The following FAT2 variants were observed in gnomAD, a reference collection of about 807,000 sequenced individuals.
The protein encoded by FAT2 is protocadherin Fat 2.
A neutral mutation model predicts 295.3 loss-of-function variants in FAT2; 150 were observed. That is an observed-to-expected ratio of 0.51 (90% CI 0.44 to 0.58). FAT2 has a LOEUF of 0.58. Ranked by LOEUF, FAT2 falls within the 20% of genes least tolerant of loss-of-function variation. The pLI is 0.00. For missense variants in FAT2, 4,868 were observed against 5,442.7 expected, an observed-to-expected ratio of 0.89 and a Z score of 3.32; for synonymous variants, 2,026 against 2,150.3, an observed-to-expected ratio of 0.94 and a Z score of 1.60.
intron 13 of FAT2, among the ~76,000 whole-genome samples, chr5:151,533,990 C>G (rs1366196326): frequency 6.6e-6 from 1 of 152,098 alleles, no homozygotes; most frequent in Non-Finnish European, 1.5e-5. Flanking sequence ...CTTCACTCTT[C>G]AGAAAATTGA....
intron 1 of FAT2, among the ~76,000 whole-genome samples, chr5:151,580,014 T>G (rs923523381): frequency 6.6e-6 from 1 of 152,216 alleles, no homozygotes; most frequent in African/African-American, 2.4e-5. Flanking sequence ...GGGCACAGTT[T>G]GAAGACTACT....
chr5:151,512,069 C>T lies in FAT2; in HGVS notation c.11905+96G>A, dbSNP rs1761364797. The T allele has an allele frequency of 8.4e-7, 1 of 1,191,588 alleles. No individual in the cohort carries two copies. Among genetic ancestry groups the T allele is most frequent in the Non-Finnish European group, 1.2e-6 (1 of 850,854 alleles). The allele number at this position is 1,191,588 out of a possible 1,614,324, so 73.8% of individuals were successfully genotyped here. A position where few individuals can be genotyped will look rare whatever the true frequency, so the allele number is the denominator to read the frequency against. ...TAGGGGAAGAGAGAGAAATTTGGAA[C>T]CAGGAGGCTCTGAGATCTCCACCCT... On this transcript the variant is annotated intron_variant, in intron 21 of 23. Coordinates refer to ENST00000261800, the MANE Select transcript of FAT2 (RefSeq NM_001447.3). The surrounding 1 kb of genome is among the most constrained non-coding windows in gnomAD (Gnocchi z 4.1).
chr5:151,550,693 C>G lies in FAT2; in HGVS notation c.4475G>C (p.Gly1492Ala). ...IYTIHGSQDP[G>A]SASLFQLDPS... ...GTCCAGCTGGAAGAGGCTGGCACTT[C>G]CTGGGTCTTGGCTGCCATGTATGGT... The change falls in exon 8 of 24, where the codon GGA becomes GCA. Residue 1492 changes from glycine (G) to alanine (A), a missense_variant. Transcript: ENST00000261800. 2 of 1,614,184 alleles carry G rather than the reference C, an allele frequency of 1.2e-6. No individual in the cohort carries two copies. Among genetic ancestry groups the G allele is most frequent in the Non-Finnish European group, 1.7e-6 (2 of 1,180,042 alleles).
Position 151,512,405 on chromosome 5 carries a change from T to C in FAT2, c.11665A>G (p.Arg3889Gly). Reference protein sequence around the residue: ...PENCRGLRPERHLLLGGLILL... With the variant: ...PENCRGLRPEGHLLLGGLILL... ...ATGAGGCCGCCCAGCAAGAGGTGCC[T>C]TTCGGGCCTCAGACCACGGCAGTTC... The change falls in exon 21 of 24, where the codon AGG becomes GGG. Residue 3889 changes from arginine to glycine, a missense_variant. By Grantham distance (125) the Arg-to-Gly change is moderately radical. Around this residue, in one of 5 missense-constraint regions of FAT2, gnomAD observed 1,046 missense variants for 1,210.1 expected, o/e 0.86. Transcript: ENST00000261800. This position sits in a 1 kb window ranked among gnomAD's most constrained non-coding sequence, Gnocchi z 4.1. 6.2e-7 allele frequency: 1 copy of C among 1,614,206 alleles called. No homozygotes were observed. The highest frequency in any genetic ancestry group is 8.5e-7 in the Non-Finnish European group (1 of 1,180,022).
chr5:151,570,247 AG>A (rs1235880234), intron 1 of FAT2, among the ~76,000 whole-genome samples: 1 of 152,210 alleles, frequency 6.6e-6, no homozygotes, highest in Non-Finnish European at 1.5e-5. Context: ...TGTCCCTTAT[AG>A]ACAGGGCATG....
chr5:151,544,739 G>C lies in FAT2; in HGVS notation c.6388C>G (p.Pro2130Ala). Residue 2130 changes from proline to alanine, a missense_variant, in exon 10 of 24, where the codon CCC (proline) becomes GCC (alanine). Physicochemically the swap from Pro to Ala is conservative, Grantham distance 27. Transcript: ENST00000261800. ...TTATTTAAAGCTTGATAATCAAAGG[G>C]TTTCTTGAGTGATATGTCCCCAAGA... ...PYLGDISLKK[P>A]FDYQALNKYH... 2 of 1,614,164 alleles carry C rather than the reference G, an allele frequency of 1.2e-6. No individual in the cohort carries two copies. The highest frequency in any genetic ancestry group is 1.7e-6 in the Non-Finnish European group (2 of 1,180,032).
Position 151,553,334 on chromosome 5 carries a change from G to T in FAT2, c.3999C>A (p.His1333Gln). 1.2e-6 allele frequency: 2 copies of T among 1,614,274 alleles called. No individual in the cohort carries two copies. The highest frequency in any genetic ancestry group is 1.7e-6 in the Non-Finnish European group (2 of 1,180,056). The change falls in exon 6 of 24, where the codon CAC (histidine) becomes CAA (glutamine). Residue 1333 changes from histidine (H) to glutamine (Q), a missense_variant. Coordinates refer to ENST00000261800, the MANE Select transcript of FAT2 (RefSeq NM_001447.3). ...GCCGGGGCCAAGGGATCCACTCAAT[G>T]TGTAGCCGGACACTGGCTGAGAGTG... ...QPPLSASVRL[H>Q]IEWIPWPRPS... is the part of the protein sequence containing the mutation.
At position 151,568,406 on chromosome 5, in the gene FAT2, C is replaced by A; in HGVS notation, c.526G>T (p.Asp176Tyr). 6.2e-7 allele frequency: 1 copy of A among 1,614,212 alleles called. No individual in the cohort carries two copies. ...PICKVTATDA[D>Y]LGQNAEFYYA... ...TAGAACTCAGCATTCTGGCCTAGAT[C>A]AGCATCTGTGGCAGTCACCTTGCAG... The change falls in exon 2 of 24, where the codon GAT (aspartate) becomes TAT (tyrosine). Residue 176 changes from aspartate (D) to tyrosine (Y), a missense_variant. Around this residue, in one of 5 missense-constraint regions of FAT2, gnomAD observed 3,297 missense variants for 3,669.4 expected, o/e 0.90. Coordinates refer to ENST00000261800, the MANE Select transcript of FAT2 (RefSeq NM_001447.3).
intron 12 of FAT2, among the ~76,000 whole-genome samples, chr5:151,535,337 C>A (rs1755148658): frequency 6.6e-6 from 1 of 152,072 alleles, no homozygotes; most frequent in Non-Finnish European, 1.5e-5. Context: ...AGATTCCCAT[C>A]TTTCCCCCCT....
At position 151,540,845 on chromosome 5, in the gene FAT2, T is replaced by C. The variant is rs1756057651; in HGVS notation, c.8843-82A>G. The C allele has an allele frequency of 6.3e-5, 81 of 1,295,050 alleles. 1 individual carries two copies. The South Asian group carries it at 1.1e-3, about 18-fold the overall frequency. The allele number at this position is 1,295,050 out of a possible 1,614,324, so 80.2% of individuals were successfully genotyped here. On this transcript the variant is annotated intron_variant, in intron 10 of 23. Coordinates refer to ENST00000261800, the MANE Select transcript of FAT2 (RefSeq NM_001447.3). ...GTGTCACAGGTGGCTGCCCATTGGA[T>C]GCATTTTTTAGAATTGTTGGGAAAG...
At chr5:151,551,356 C>T in intron 7 of FAT2, 111 bp downstream of exon 7, 1 of 1,120,156 alleles carries the variant, frequency 8.9e-7, no homozygotes, top group East Asian at 2.4e-5. Context: ...ATTCTAAATT[C>T]AGTGTTCCTT....
Position 151,542,556 on chromosome 5 carries a change from G to A in FAT2, c.8571C>T (p.Ile2857=). 6.2e-7 allele frequency: 1 copy of A among 1,614,166 alleles called. No homozygotes were observed. The highest frequency in any genetic ancestry group is 8.5e-7 in the Non-Finnish European group (1 of 1,180,018). ...LFAIDSESGW[I]TTLQELDCET... is the part of the protein sequence containing the mutation. The stretch of plus-strand genomic sequence containing the variant: ...CACAGTCAAGTTCCTGGAGTGTGGT[G>A]ATCCAACCACTCTCACTGTCAATGG... The change falls in exon 10 of 24, where the codon ATC becomes ATT. Residue 2857 remains isoleucine (I), a synonymous_variant. Coordinates refer to ENST00000261800, the MANE Select transcript of FAT2 (RefSeq NM_001447.3).
intron 12 of FAT2, among the ~76,000 whole-genome samples, chr5:151,537,197 GAGAA>G (rs926939837): frequency 4.7e-5 from 7 of 148,980 alleles, no homozygotes; most frequent in Admixed American, 1.4e-4. Context: ...GAGAGAGAGA[GAGAA>G]AGAAGAAGAG....
chr5:151,571,942 A>G (rs1263475042), intron 1 of FAT2, among the ~76,000 whole-genome samples: 1 of 152,154 alleles, frequency 6.6e-6, no homozygotes, highest in African/African-American at 2.4e-5. Flanking sequence ...TCCAGTTCAC[A>G]AGCTGCAGCC....
intron 18 of FAT2, among the ~76,000 whole-genome samples, chr5:151,523,243 G>A (rs1211646439): frequency 6.6e-6 from 1 of 152,028 alleles, no homozygotes; most frequent in Non-Finnish European, 1.5e-5. Flanking sequence ...ATAATGTATA[G>A]CTAACATTAG....
At position 151,531,794 on chromosome 5, in the gene FAT2, C is replaced by T. The variant is rs1754644494; in HGVS notation, c.9604G>A (p.Gly3202Ser). ...LGTPIPLSTLGTVTVSVVGLE... is the reference protein window; with the variant it reads ...LGTPIPLSTLSTVTVSVVGLE... The stretch of plus-strand genomic sequence containing the variant: ...CCCACCACCGAGACTGTGACGGTGC[C>T]CAGCGTGGACAGCGGTATTGGGGTG... The change falls in exon 14 of 24, where the codon GGC becomes AGC. Residue 3202 changes from glycine (G) to serine (S), a missense_variant. This residue lies in a region of FAT2 where 1,046 missense variants were observed against 1,210.1 expected (regional missense o/e 0.86). Coordinates refer to ENST00000261800, the MANE Select transcript of FAT2 (RefSeq NM_001447.3). This position sits in a 1 kb window ranked among gnomAD's most constrained non-coding sequence, Gnocchi z 5.7. The T allele has an allele frequency of 1.2e-6, 2 of 1,613,080 alleles. No homozygotes were observed. Among genetic ancestry groups the T allele is most frequent in the Non-Finnish European group, 1.7e-6 (2 of 1,179,994 alleles).
chr5:151,526,450 A>G (rs1015647134), intron 17 of FAT2, among the ~76,000 whole-genome samples: 7 of 152,220 alleles, frequency 4.6e-5, no homozygotes, highest in Non-Finnish European at 1.0e-4. Flanking sequence ...GAAAAACCAG[A>G]TTCCCTGAGT....
chr5:151,581,773 G>A (rs916765682), intron 1 of FAT2, among the ~76,000 whole-genome samples: 8 of 152,278 alleles, frequency 5.3e-5, no homozygotes, highest in South Asian at 4.1e-4. Flanking sequence ...CCCCTGGCCC[G>A]CTCCCCATGC....
At chr5:151,552,308 T>G (rs1459422881) in intron 6 of FAT2, among the ~76,000 whole-genome samples, 3 of 152,064 alleles carry the variant, frequency 2.0e-5, no homozygotes, top group Non-Finnish European at 4.4e-5. Flanking sequence ...TGAAATGTTT[T>G]AGAGGGTACA....
Sources: gnomAD v4.1 joint callset for allele counts (sites outside exome capture counted in the v4.1 genomes callset) on GRCh38, gnomAD v4.1.1 for gene constraint, gnomAD v4.1.1 regional missense constraint, Gnocchi (gnomAD v3.1) non-coding constraint, MANE v1.5 for transcripts, NCBI Gene and HGNC (gene_info 2026-07-23, HGNC 2026-07-21) for gene names.